The following STARD13 variants were observed in gnomAD, a reference collection of about 807,000 sequenced individuals.
The protein encoded by STARD13 is StAR related lipid transfer domain containing 13, also known as stAR-related lipid transfer protein 13.
A neutral mutation model predicts 106.4 loss-of-function variants in STARD13; 62 were observed. The observed-to-expected ratio is 0.58, with a 90% CI of 0.48 to 0.72. STARD13 has a LOEUF of 0.72. STARD13 is among the 30% of genes least tolerant of loss of function. STARD13 has a pLI of 0.00. For missense variants in STARD13, 1,387 were observed against 1,424.0 expected (o/e 0.97, Z 0.42); for synonymous variants, 565 against 553.0 (o/e 1.02, Z -0.31).
At chr13:33,344,522 A>T (rs1210893946), downstream of STARD13, among the ~76,000 whole-genome samples, 1 of 152,150 alleles carries the variant, frequency 6.6e-6, no homozygotes, top group Non-Finnish European at 1.5e-5. Context: ...TTTGTGGCTC[A>T]TGTTTTATTC....
At chr13:33,431,829 C>A in the STARD13 span, among the ~76,000 whole-genome samples, 1 of 152,114 alleles carries the variant, frequency 6.6e-6, no homozygotes, top group African/African-American at 2.4e-5. Flanking sequence ...GCCAGGGATA[C>A]CAAGAACATA....
At chr13:33,312,655 C>T (rs890628475) in intron 1 of STARD13, among the ~76,000 whole-genome samples, 1 of 152,108 alleles carries the variant, frequency 6.6e-6, no homozygotes, top group African/African-American at 2.4e-5. Flanking sequence ...TGGACTTGCT[C>T]CTTCTAAATG....
chr13:33,113,030 C>T, intron 8 of STARD13, 99 bp from the exon 9 acceptor site: 1 of 849,676 alleles, frequency 1.2e-6, no homozygotes, highest in Admixed American at 2.7e-5. Context: ...TGAACACGCA[C>T]CCAGAGTCAT....
chr13:33,330,550 G>A (rs2077824650), intron 1 of STARD13, among the ~76,000 whole-genome samples: 1 of 152,096 alleles, frequency 6.6e-6, no homozygotes, highest in Admixed American at 6.5e-5. Flanking sequence ...CATAAAGCAG[G>A]TCATCAAGAA....
the STARD13 span, among the ~76,000 whole-genome samples, chr13:33,477,301 T>A: frequency 6.6e-6 from 1 of 152,202 alleles, no homozygotes; most frequent in African/African-American, 2.4e-5. Context: ...CTCCATCCTG[T>A]CTGGCCTAAA....
At chr13:33,445,117 T>A in the STARD13 span, among the ~76,000 whole-genome samples, 1 of 152,166 alleles carries the variant, frequency 6.6e-6, no homozygotes, top group African/African-American at 2.4e-5. Flanking sequence ...ATCAAGTCAA[T>A]GAATAAATTA....
chr13:33,297,502 T>C (rs1892541766), intron 1 of STARD13, among the ~76,000 whole-genome samples: 1 of 151,914 alleles, frequency 6.6e-6, no homozygotes. Context: ...CTTTGGAAAA[T>C]CCAGTCCCAG....
intron 1 of STARD13, among the ~76,000 whole-genome samples, chr13:33,187,875 G>C (rs1885916993): frequency 6.6e-6 from 1 of 152,046 alleles, no homozygotes; most frequent in Admixed American, 6.6e-5. Context: ...GTAGAGACAG[G>C]GTTTTGCTAT....
In STARD13 at chr13:33,283,542, C is replaced by T. The variant is rs567131242; in HGVS notation, c.169+1928G>A. Among the ~76,000 whole-genome samples the T allele has an allele frequency of 1.5e-3, 221 of 152,268 alleles. 1 individual carries two copies. Among genetic ancestry groups the T allele is most frequent in the African/African-American group, 5.2e-3 (217 of 41,572 alleles). ...TACAATAAACTCAATAAAATTGTTTCACATTGCTTTCTCATTGTCTTACTA... is the reference window on the plus strand; with the variant it reads ...TACAATAAACTCAATAAAATTGTTTTACATTGCTTTCTCATTGTCTTACTA... On this transcript the variant is annotated intron_variant, in intron 1 of 13. Transcript: ENST00000336934.
At chr13:33,182,249 C>T (rs1243129683) in intron 1 of STARD13, among the ~76,000 whole-genome samples, 2 of 152,170 alleles carry the variant, frequency 1.3e-5, no homozygotes, top group African/African-American at 2.4e-5. Flanking sequence ...GACTTCATCA[C>T]CCGTTTAAAA....
chr13:33,254,957 T>A (rs1187451104), intron 1 of STARD13, among the ~76,000 whole-genome samples: 1 of 152,026 alleles, frequency 6.6e-6, no homozygotes, highest in Admixed American at 6.5e-5. Flanking sequence ...CAGAAAGCTG[T>A]CACACTGGCC....
the STARD13 span, among the ~76,000 whole-genome samples, chr13:33,400,276 T>C: frequency 6.6e-6 from 1 of 152,198 alleles, no homozygotes; most frequent in Admixed American, 6.5e-5. Flanking sequence ...TCCAAGTTCA[T>C]CTATGTTGTG....
intron 1 of STARD13, among the ~76,000 whole-genome samples, chr13:33,191,689 A>G (rs1886267499): frequency 1.3e-5 from 2 of 152,232 alleles, no homozygotes; most frequent in South Asian, 4.1e-4. Context: ...TAAATTTCAT[A>G]CTGTGGTCTC....
chr13:33,265,612 G>T (rs1358831430), intron 1 of STARD13, among the ~76,000 whole-genome samples: 2 of 152,092 alleles, frequency 1.3e-5, no homozygotes, highest in African/African-American at 2.4e-5. Flanking sequence ...CAACTATAAT[G>T]TTAGCAGTTT....
intron 4 of STARD13, among the ~76,000 whole-genome samples, chr13:33,134,147 G>A (rs1878733654): frequency 6.6e-6 from 1 of 152,154 alleles, no homozygotes. Context: ...CCCACGTTGT[G>A]GACAATATGG....
chr13:33,507,012 G>A, the STARD13 span, among the ~76,000 whole-genome samples: 1 of 152,100 alleles, frequency 6.6e-6, no homozygotes, highest in African/African-American at 2.4e-5. Flanking sequence ...CAGGTGAGAG[G>A]ATCGCTTGAG....
In STARD13 at chr13:33,285,683, G is replaced by C. The variant is rs367734283; in HGVS notation, c.-45C>G. ...CCACCTCAGTCTGCCTGTGGCTGTT[G>C]CCGTCTGTCTCCAGTCTCAGTCAAA... On this transcript the variant is annotated 5_prime_UTR_variant, in exon 1 of 14. Coordinates refer to ENST00000336934, the MANE Select transcript of STARD13 (RefSeq NM_178006.4). The C allele has an allele frequency of 2.3e-4, 367 of 1,603,714 alleles. 2 individuals are homozygous for C. In the African/African-American group the frequency reaches 4.6e-3, roughly 20 times the overall value.
chr13:33,550,059 A>T, the STARD13 span, among the ~76,000 whole-genome samples: 1 of 152,206 alleles, frequency 6.6e-6, no homozygotes, highest in Non-Finnish European at 1.5e-5. Context: ...TGGATGAATT[A>T]ATGAAGTCAC....
intron 1 of STARD13, among the ~76,000 whole-genome samples, chr13:33,203,698 A>T (rs918922342): frequency 1.3e-5 from 2 of 152,254 alleles, no homozygotes; most frequent in Non-Finnish European, 2.9e-5. Flanking sequence ...AAGAGAAAAA[A>T]AATAGATGCA....
Sources: gnomAD v4.1 joint callset for allele counts (sites outside exome capture counted in the v4.1 genomes callset) on GRCh38, gnomAD v4.1.1 for gene constraint, MANE v1.5 for transcripts, NCBI Gene and HGNC (gene_info 2026-07-23, HGNC 2026-07-21) for gene names.